TMC1: variants seen among roughly 807,000 people sequenced by gnomAD.
TMC1 encodes the protein transmembrane channel-like protein 1.
A neutral mutation model predicts 105.8 loss-of-function variants in TMC1; 84 were observed. The observed-to-expected ratio is 0.79, with a 90% CI of 0.67 to 0.95. TMC1 has a LOEUF of 0.95. TMC1 is among the 40% of genes least tolerant of loss of function. The pLI, the probability that TMC1 is intolerant of heterozygous loss-of-function variation, is 0.00. For synonymous variants in TMC1, 315 were observed against 311.5 expected, an observed-to-expected ratio of 1.01 and a Z score of -0.12; for missense variants, 817 against 914.1, an observed-to-expected ratio of 0.89 and a Z score of 1.37.
At chr9:72,579,395 T>C (rs895554018) in intron 2 of TMC1, among the ~76,000 whole-genome samples, 1 of 152,184 alleles carries the variant, frequency 6.6e-6, no homozygotes, top group Admixed American at 6.5e-5. Context: ...ACTTCGGGCC[T>C]GGCGCCAGAA....
At chr9:72,547,951 C>T (rs566600732) in intron 1 of TMC1, among the ~76,000 whole-genome samples, 3 of 152,104 alleles carry the variant, frequency 2.0e-5, no homozygotes, top group South Asian at 4.1e-4. Context: ...TGCAGATGGC[C>T]GTCTTCTTGT....
intron 1 of TMC1, among the ~76,000 whole-genome samples, chr9:72,549,447 T>C (rs1331670441): frequency 6.6e-6 from 1 of 151,950 alleles, no homozygotes; most frequent in Admixed American, 6.6e-5. Context: ...TTATGTGTTT[T>C]TTTTTTCTTT....
intron 2 of TMC1, among the ~76,000 whole-genome samples, chr9:72,607,564 C>T (rs984056890): frequency 6.8e-5 from 10 of 147,954 alleles, no homozygotes; most frequent in South Asian, 2.1e-4. Context: ...TGCAGTGAGC[C>T]GAGATCGCGC....
intron 13 of TMC1, among the ~76,000 whole-genome samples, chr9:72,787,195 A>G (rs1828181607): frequency 6.6e-6 from 1 of 152,188 alleles, no homozygotes. Context: ...TGTAAAAAGG[A>G]GAGTAACTAC....
Position 72,806,298 on chromosome 9 carries a change from C to G in TMC1, c.1695+788C>G, listed in dbSNP as rs535801612. On this transcript the variant is annotated intron_variant, in intron 18 of 23. Transcript: ENST00000297784. Reference sequence around the variant, plus strand: ...CTCCTCACTTCCCAGTAGGGGCAGCCGGGCAGAGGCGCCCCTCACCTCCTG... The same window carrying G: ...CTCCTCACTTCCCAGTAGGGGCAGCGGGGCAGAGGCGCCCCTCACCTCCTG... Among the ~76,000 whole-genome samples, 1,173 of 146,940 alleles carry G rather than the reference C, an allele frequency of 8.0e-3. 18 individuals carry two copies. The highest frequency in any genetic ancestry group is 0.028 in the African/African-American group (1,112 of 39,422).
At chr9:72,535,269 G>T (rs1823562371) in intron 1 of TMC1, among the ~76,000 whole-genome samples, 1 of 152,124 alleles carries the variant, frequency 6.6e-6, no homozygotes. Context: ...TATTAGGATT[G>T]CAGGAGGAAA....
rs1826764324 is a variant in TMC1, at chr9:72,707,555, C to T, written c.362+6912C>T. ...ATAAGTTTTTTGGTCGTTTGTATATCTTCTTTTGAAAATTGTCTATTCATG... is the reference window on the plus strand; with the variant it reads ...ATAAGTTTTTTGGTCGTTTGTATATTTTCTTTTGAAAATTGTCTATTCATG... On this transcript the variant is annotated intron_variant, in intron 8 of 23. Coordinates refer to ENST00000297784, the MANE Select transcript of TMC1 (RefSeq NM_138691.3). Among the ~76,000 whole-genome samples, 6 of 152,144 alleles carry T rather than the reference C, an allele frequency of 3.9e-5. No individual in the cohort carries two copies. In the South Asian group the frequency reaches 1.2e-3, roughly 32 times the overall value.
chr9:72,792,205 G>C lies in TMC1; in HGVS notation c.1419G>C (p.Lys473Asn), dbSNP rs371004715. The C allele has an allele frequency of 1.9e-6, 3 of 1,613,984 alleles. No homozygotes were observed. In the African/African-American group the frequency reaches 4.0e-5, roughly 22 times the overall value. The change falls in exon 17 of 24, where the codon AAG becomes AAC. Residue 473 changes from lysine to asparagine, a missense_variant. Physicochemically the swap from Lys to Asn is moderately conservative, Grantham distance 94 (BLOSUM62 0). Transcript: ENST00000297784. The part of the protein sequence containing the change: ...DEINNKIEEE[K>N]LVKANITLWE... ...TTGCTTTCTAGATTGAAGAGGAGAA[G>C]CTAGTAAAGGCCAATATTACCCTTT...
intron 7 of TMC1, among the ~76,000 whole-genome samples, chr9:72,695,265 G>A (rs1289022261): frequency 6.6e-6 from 1 of 152,124 alleles, no homozygotes; most frequent in Admixed American, 6.5e-5. Context: ...GAGGATTTGG[G>A]TTGTCATTTT....
rs371400218 is a variant in TMC1 at position 72,623,038 on chromosome 9, C to T, written c.-195-4883C>T. ...CTGCACTCCAGCCTGGGTGACAGAG[C>T]GAGACTCCATCTCAAAAAAAAAAAC... is the stretch of plus-strand genomic sequence containing the variant. On this transcript the variant is annotated intron_variant, in intron 3 of 23. Transcript: ENST00000297784. 6.3e-3 allele frequency among the ~76,000 whole-genome samples: 832 copies of T among 132,490 alleles called. 10 individuals carry two copies. The highest frequency in any genetic ancestry group is 9.8e-3 in the Non-Finnish European group (635 of 64,580). The allele number at this position is 132,490 out of a possible 152,430, so 86.9% of individuals were successfully genotyped here.
At chr9:72,536,914 G>A (rs944964306) in intron 1 of TMC1, among the ~76,000 whole-genome samples, 1 of 152,204 alleles carries the variant, frequency 6.6e-6, no homozygotes, top group African/African-American at 2.4e-5. Flanking sequence ...GGCTGTGTGT[G>A]GTTGATCTGA....
intron 1 of TMC1, among the ~76,000 whole-genome samples, chr9:72,541,454 G>A (rs1386478133): frequency 2.0e-5 from 3 of 152,168 alleles, no homozygotes; most frequent in African/African-American, 7.2e-5. Flanking sequence ...TTGGGAGGCT[G>A]AGGCGGGCCG....
At chr9:72,709,855 AT>A (rs1826806125) in intron 8 of TMC1, among the ~76,000 whole-genome samples, 1 of 151,948 alleles carries the variant, frequency 6.6e-6, no homozygotes, top group African/African-American at 2.4e-5. Flanking sequence ...TGTTGTTTCA[AT>A]TTCATTTAGT....
At chr9:72,821,150 A>G (rs944216126) in intron 20 of TMC1, 69 bp downstream of exon 20, 2 of 1,605,662 alleles carry the variant, frequency 1.2e-6, no homozygotes, top group Admixed American at 1.7e-5. Context: ...ATGGTCATTC[A>G]TTGTATAAGC....
At chr9:72,726,595 T>A (rs929389290) in intron 8 of TMC1, among the ~76,000 whole-genome samples, 3 of 152,222 alleles carry the variant, frequency 2.0e-5, no homozygotes, top group African/African-American at 7.2e-5. Flanking sequence ...GTTTGTCATG[T>A]GGCAAACAAT....
At chr9:72,547,180 A>T (rs1333357447) in intron 1 of TMC1, among the ~76,000 whole-genome samples, 3 of 151,434 alleles carry the variant, frequency 2.0e-5, no homozygotes, top group Non-Finnish European at 4.4e-5. Context: ...CCAGCTACTC[A>T]GGAGGATGAG....
At chr9:72,585,152 C>CTT (rs1274611916) in intron 2 of TMC1, among the ~76,000 whole-genome samples, 2 of 126,096 alleles carry the variant, frequency 1.6e-5, no homozygotes, top group Non-Finnish European at 1.7e-5. Context: ...GGTGCCATGT[C>CTT]TTTTTTTTTT....
In TMC1 at chr9:72,672,340, C is replaced by T. The variant is rs548962574; in HGVS notation, c.17-16369C>T. 2.3e-3 allele frequency among the ~76,000 whole-genome samples: 345 copies of T among 151,788 alleles called. 1 individual carries two copies. Among genetic ancestry groups the T allele is most frequent in the Non-Finnish European group, 3.3e-3 (222 of 67,938 alleles). On this transcript the variant is annotated intron_variant, in intron 5 of 23. Transcript: ENST00000297784. ...TTTTTTAATGAAATATAAATATTTT[C>T]TCATGGTTTCTAAATTCCTTATAAA...
rs528474255 is a variant in TMC1 at position 72,827,133 on chromosome 9, G to A, written c.2129+139G>A. ...CCAAATTCAACACTGATTACATGGT[G>A]GTGAGAGGCTAAAATTCATGAGCCA... On this transcript the variant is annotated intron_variant, in intron 21 of 23. Coordinates refer to ENST00000297784, the MANE Select transcript of TMC1 (RefSeq NM_138691.3). The A allele has an allele frequency of 4.4e-6, 5 of 1,132,994 alleles. No individual in the cohort carries two copies. The Admixed American group carries it at 6.8e-5, about 15-fold the overall frequency. The allele number at this position is 1,132,994 out of a possible 1,614,324, so 70.2% of individuals were successfully genotyped here.
Sources: gnomAD v4.1 joint callset for allele counts (sites outside exome capture counted in the v4.1 genomes callset) on GRCh38, gnomAD v4.1.1 for gene constraint, MANE v1.5 for transcripts, NCBI Gene and HGNC (gene_info 2026-07-23, HGNC 2026-07-21) for gene names.